MIB1: variants seen among roughly 807,000 people sequenced by gnomAD.
MIB1 encodes the protein E3 ubiquitin-protein ligase MIB1.
MIB1 carries 278 observed loss-of-function variants against 124.5 expected under a neutral mutation model. That is an observed-to-expected ratio of 2.23 (90% CI 2.02 to 2.47). MIB1 has a LOEUF of 2.47. Ranked by LOEUF, MIB1 falls within the 30% of genes most tolerant of loss-of-function variation. MIB1 has a pLI of 0.00. For missense variants in MIB1, 957 were observed against 1,254.4 expected (o/e 0.76, Z 3.58); for synonymous variants, 446 against 429.4 (o/e 1.04, Z -0.48).
intron 1 of MIB1, among the ~76,000 whole-genome samples, chr18:21,719,009 A>G (rs2040702273): frequency 6.6e-6 from 1 of 151,926 alleles, no homozygotes; most frequent in African/African-American, 2.4e-5. Context: ...ACCAACATGG[A>G]GGAACCCTGT....
rs147938471 is a variant in MIB1 at position 21,745,552 on chromosome 18, A to G, written c.229+3740A>G. ...GTAAGATAAACACTAAATTTAAGAG[A>G]GTGGGACATCCTTATGGTGAAGGGA... On this transcript the variant is annotated intron_variant, in intron 1 of 20. Transcript: ENST00000261537. Among the ~76,000 whole-genome samples the G allele has an allele frequency of 3.3e-5, 5 of 152,264 alleles. No homozygotes were observed. In the East Asian group the frequency reaches 7.7e-4, roughly 24 times the overall value.
At chr18:21,725,538 G>T (rs1377099335) in intron 1 of MIB1, among the ~76,000 whole-genome samples, 1 of 152,110 alleles carries the variant, frequency 6.6e-6, no homozygotes, top group Non-Finnish European at 1.5e-5. Flanking sequence ...TTAGATTCAG[G>T]GTTTGACAGC....
chr18:21,814,529 G>C lies in MIB1; in HGVS notation c.1480-1087G>C, dbSNP rs563542372. 3.3e-5 allele frequency among the ~76,000 whole-genome samples: 5 copies of C among 152,148 alleles called. No homozygotes were observed. In the East Asian group the frequency reaches 7.7e-4, roughly 24 times the overall value. On this transcript the variant is annotated intron_variant, in intron 10 of 20. Coordinates refer to ENST00000261537, the MANE Select transcript of MIB1 (RefSeq NM_020774.4). ...GGCCAGGAGTTAAAGGCTGCAGTGAGCTATGACTGCCACTGCATTCCAGCC... is the reference window on the plus strand; with the variant it reads ...GGCCAGGAGTTAAAGGCTGCAGTGACCTATGACTGCCACTGCATTCCAGCC...
intron 12 of MIB1, among the ~76,000 whole-genome samples, chr18:21,835,840 A>ACACACAAACAC (rs1555695330): frequency 0.17 from 18,529 of 107,780 alleles, 2,058 homozygotes; most frequent in Non-Finnish European, 0.2. Context: ...CACACACACA[A>ACACACAAACAC]ACACACACGA....
intron 18 of MIB1, among the ~76,000 whole-genome samples, chr18:21,856,099 G>A (rs553274378): frequency 4.6e-5 from 7 of 151,160 alleles, no homozygotes; most frequent in South Asian, 4.2e-4. Flanking sequence ...GCGCGGTGGC[G>A]GGCGCCTGTA....
intron 4 of MIB1, 62 bp from the exon 5 acceptor site, chr18:21,778,041 T>G: frequency 8.8e-7 from 1 of 1,136,168 alleles, no homozygotes. Flanking sequence ...TCTTGCCTGT[T>G]TCAGATACTG....
At chr18:21,798,326 C>A in intron 8 of MIB1, 98 bp downstream of exon 8, 1 of 1,201,122 alleles carries the variant, frequency 8.3e-7, no homozygotes. Flanking sequence ...TGTACATGTG[C>A]TTGGCTTTGT....
rs771780255 is a variant in MIB1, at chr18:21,791,406, C to T, written c.941C>T (p.Ala314Val). The change falls in exon 7 of 21, where the codon GCG (alanine) becomes GTG (valine). Residue 314 changes from alanine (A) to valine (V), a missense_variant. Coordinates refer to ENST00000261537, the MANE Select transcript of MIB1 (RefSeq NM_020774.4). ...WTFNPAVLTK[A>V]NIVRSGDAAQ... ...TTCAATCCTGCTGTTCTCACTAAAG[C>T]GAACATTGTCCGAAGTGGAGATGCT... 15 of 1,613,260 alleles carry T rather than the reference C, an allele frequency of 9.3e-6. No individual in the cohort carries two copies. Among genetic ancestry groups the T allele is most frequent in the Admixed American group, 3.3e-5 (2 of 59,948 alleles).
chr18:21,797,071 A>G (rs1210106816), intron 7 of MIB1, among the ~76,000 whole-genome samples: 1 of 152,140 alleles, frequency 6.6e-6, no homozygotes, highest in Non-Finnish European at 1.5e-5. Context: ...TTTATGAGGT[A>G]ATTGGAAGTT....
At chr18:21,712,975 G>T (rs2040672133) in intron 1 of MIB1, among the ~76,000 whole-genome samples, 1 of 151,662 alleles carries the variant, frequency 6.6e-6, no homozygotes, top group South Asian at 2.1e-4. Context: ...TATTTTTTGA[G>T]ATAGGGTCTT....
At chr18:21,859,506 G>A (rs1030958508) in intron 20 of MIB1, among the ~76,000 whole-genome samples, 6 of 152,064 alleles carry the variant, frequency 3.9e-5, no homozygotes, top group African/African-American at 2.4e-5. Flanking sequence ...CTTGATCTGA[G>A]TACCAGATAA....
intron 1 of MIB1, among the ~76,000 whole-genome samples, chr18:21,716,724 C>A (rs965621142): frequency 6.6e-6 from 1 of 152,066 alleles, no homozygotes; most frequent in Non-Finnish European, 1.5e-5. Flanking sequence ...TGGTGGCGGG[C>A]GCCTATAGTC....
rs2041860954 is a variant in MIB1, at chr18:21,819,547, A to G, written c.1730A>G (p.Asp577Gly). The part of the protein sequence containing the change: ...LHDAISKKRD[D>G]ILAVLLEAGA... ...GATGCAATAAGTAAGAAACGTGATG[A>G]TATCCTAGCAGTTCTTTTGGAAGCT... is the stretch of plus-strand genomic sequence containing the variant. Residue 577 changes from aspartate (D) to glycine (G), a missense_variant, in exon 12 of 21, where the codon GAT becomes GGT. Physicochemically the swap from Asp to Gly is moderately conservative, Grantham distance 94 (BLOSUM62 -1). Transcript: ENST00000261537. The G allele has an allele frequency of 6.2e-7, 1 of 1,610,790 alleles. No homozygotes were observed. The highest frequency in any genetic ancestry group is 8.5e-7 in the Non-Finnish European group (1 of 1,177,454).
intron 10 of MIB1, among the ~76,000 whole-genome samples, chr18:21,815,320 C>T (rs887420537): frequency 8.6e-5 from 13 of 151,752 alleles, no homozygotes; most frequent in Admixed American, 7.2e-4. Context: ...AGGTGGGTGC[C>T]ACCATGCCTG....
chr18:21,797,100 G>A (rs1009701008), intron 7 of MIB1, among the ~76,000 whole-genome samples: 14 of 152,124 alleles, frequency 9.2e-5, no homozygotes, highest in Non-Finnish European at 1.8e-4. Context: ...GGAATTTTGT[G>A]ATATGTAACT....
chr18:21,855,810 G>A (rs1426384749), intron 18 of MIB1, among the ~76,000 whole-genome samples: 1 of 152,312 alleles, frequency 6.6e-6, no homozygotes, highest in East Asian at 1.9e-4. Context: ...AAATGAACAA[G>A]ACACTTGATA....
chr18:21,718,367 C>T (rs1441544831), intron 1 of MIB1, among the ~76,000 whole-genome samples: 1 of 152,130 alleles, frequency 6.6e-6, no homozygotes, highest in Non-Finnish European at 1.5e-5. Flanking sequence ...CCAAACACCA[C>T]CTGTTCCGCA....
intron 1 of MIB1, among the ~76,000 whole-genome samples, chr18:21,721,499 ATG>A (rs2040715934): frequency 6.6e-6 from 1 of 152,096 alleles, no homozygotes; most frequent in Non-Finnish European, 1.5e-5. Context: ...CTTTAAAATT[ATG>A]ATTTTACTAA....
chr18:21,791,849 A>T (rs911622767), intron 7 of MIB1, among the ~76,000 whole-genome samples: 1 of 152,190 alleles, frequency 6.6e-6, no homozygotes. Flanking sequence ...CCCCAGAATG[A>T]TATAGGTCTA....
Sources: gnomAD v4.1 joint callset for allele counts (sites outside exome capture counted in the v4.1 genomes callset) on GRCh38, gnomAD v4.1.1 for gene constraint, MANE v1.5 for transcripts, NCBI Gene and HGNC (gene_info 2026-07-23, HGNC 2026-07-21) for gene names.